MYCBP2: variants seen among roughly 807,000 people sequenced by gnomAD.
The protein encoded by MYCBP2 is E3 ubiquitin-protein ligase MYCBP2.
Under a neutral mutation model 525.3 loss-of-function variants are expected in MYCBP2, and 120 were observed. The observed-to-expected ratio is 0.23, with a 90% confidence interval of 0.20 to 0.27. The LOEUF is 0.27. MYCBP2 is among the 10% of genes least tolerant of loss of function. The probability of loss-of-function intolerance (pLI) is 1.00; values close to 1 mark genes in which losing one functional copy is unlikely to be tolerated. For synonymous variants in MYCBP2, 1,894 were observed against 1,955.8 expected, an observed-to-expected ratio of 0.97 and a Z score of 0.83; for missense variants, 4,149 against 5,657.1, an observed-to-expected ratio of 0.73 and a Z score of 8.55.
intron 15 of MYCBP2, among the ~76,000 whole-genome samples, chr13:77,248,608 A>G (rs1385429557): frequency 6.6e-6 from 1 of 152,212 alleles, no homozygotes; most frequent in Non-Finnish European, 1.5e-5. Flanking sequence ...CCAAAATAAC[A>G]GATCATAAGT....
intron 58 of MYCBP2, among the ~76,000 whole-genome samples, chr13:77,095,039 C>T (rs1402687994): frequency 1.1e-4 from 17 of 152,132 alleles, no homozygotes; most frequent in Non-Finnish European, 1.5e-5. Flanking sequence ...AACACACTTT[C>T]TTTACACTTC....
At chr13:77,139,540 A>G (rs1255875952) in intron 51 of MYCBP2, among the ~76,000 whole-genome samples, 1 of 152,236 alleles carries the variant, frequency 6.6e-6, no homozygotes, top group Non-Finnish European at 1.5e-5. Flanking sequence ...TCATGTGGCA[A>G]GACTGTAAAA....
chr13:77,310,395 TTCCTG>T (rs1174786901), intron 1 of MYCBP2, among the ~76,000 whole-genome samples: 1 of 152,156 alleles, frequency 6.6e-6, no homozygotes, highest in Non-Finnish European at 1.5e-5. Flanking sequence ...CAAAAACAGC[TTCCTG>T]TCTATCTTTG....
At chr13:77,263,538 A>T in intron 10 of MYCBP2, 113 bp downstream of exon 10, 1 of 812,956 alleles carries the variant, frequency 1.2e-6, no homozygotes. Flanking sequence ...AGTAACAGAC[A>T]CAAAATAGCT....
At chr13:77,315,432 T>A (rs1356227611) in intron 1 of MYCBP2, among the ~76,000 whole-genome samples, 1 of 152,164 alleles carries the variant, frequency 6.6e-6, no homozygotes, top group Non-Finnish European at 1.5e-5. Flanking sequence ...CAAATCAAAT[T>A]CAGCAATACA....
At chr13:77,283,023 T>C (rs1480607828) in intron 3 of MYCBP2, among the ~76,000 whole-genome samples, 1 of 152,136 alleles carries the variant, frequency 6.6e-6, no homozygotes, top group East Asian at 1.9e-4. Context: ...CACCACCCTG[T>C]AGTTATGGAT....
chr13:77,257,797 T>G lies in MYCBP2; in HGVS notation c.2050A>C (p.Thr684Pro). 1 of 1,610,156 alleles carries G rather than the reference T, an allele frequency of 6.2e-7. No individual in the cohort carries two copies. Among genetic ancestry groups the G allele is most frequent in the Non-Finnish European group, 8.5e-7 (1 of 1,178,980 alleles). The change falls in exon 14 of 83, where the codon ACT (threonine) becomes CCT (proline). Residue 684 changes from threonine to proline, a missense_variant. This residue lies in a region of MYCBP2 where 262 missense variants were observed against 419.3 expected (regional missense o/e 0.62). Transcript: ENST00000544440. ...LVTDLKGHFV[T>P]QVAMGKAHTC... is the part of the protein sequence containing the mutation. Reference sequence around the variant, plus strand: ...TGAGCTTTGCCCATAGCTACCTGAGTTACAAAATGGCCCTTCAAATCAGTT... The same window carrying G: ...TGAGCTTTGCCCATAGCTACCTGAGGTACAAAATGGCCCTTCAAATCAGTT...
At chr13:77,126,632 T>C in intron 52 of MYCBP2, 90 bp from the exon 53 acceptor site, 1 of 889,260 alleles carries the variant, frequency 1.1e-6, no homozygotes, top group South Asian at 1.7e-5. Context: ...ATAGCAAGTC[T>C]ACAGTACTGT....
chr13:77,051,649 A>T (rs1394222756), intron 81 of MYCBP2, among the ~76,000 whole-genome samples, 162 bp downstream of exon 81: 1 of 152,246 alleles, frequency 6.6e-6, no homozygotes, highest in African/African-American at 2.4e-5. Flanking sequence ...GCCCAAAGGA[A>T]ATAATATATA....
At position 77,079,042 on chromosome 13, in the gene MYCBP2, G is replaced by A. The variant is rs199569666; in HGVS notation, c.11419-153C>T. On this transcript the variant is annotated intron_variant, in intron 65 of 82. Coordinates refer to ENST00000544440, the MANE Select transcript of MYCBP2 (RefSeq NM_015057.5). The stretch of plus-strand genomic sequence containing the variant: ...CCACCCCATCCCTCCAACTAACCAC[G>A]GTTCCTATAACTTTAGTCTCATTCT... 3.0e-4 allele frequency among the ~76,000 whole-genome samples: 45 copies of A among 151,994 alleles called. No individual in the cohort carries two copies. The East Asian group carries it at 5.2e-3, about 18-fold the overall frequency.
chr13:77,159,926 A>C (rs2057686508), intron 44 of MYCBP2, among the ~76,000 whole-genome samples: 1 of 152,096 alleles, frequency 6.6e-6, no homozygotes. Flanking sequence ...TTTATTTTGA[A>C]TCTTAAGGTA....
At chr13:77,312,726 C>T (rs1474166065) in intron 1 of MYCBP2, among the ~76,000 whole-genome samples, 8 of 151,800 alleles carry the variant, frequency 5.3e-5, no homozygotes, top group African/African-American at 1.5e-4. Context: ...AAGTGGCAGA[C>T]CTATCACTGT....
chr13:77,183,137 A>G (rs894868421), intron 32 of MYCBP2, among the ~76,000 whole-genome samples: 7 of 152,138 alleles, frequency 4.6e-5, no homozygotes, highest in Non-Finnish European at 1.0e-4. Flanking sequence ...TACATGTTCA[A>G]TTTGGTTTGA....
chr13:77,326,540 C>T lies in MYCBP2; in HGVS notation c.236G>A (p.Arg79Lys), dbSNP rs779283252. The change falls in exon 1 of 83, where the codon AGG becomes AAG. Residue 79 changes from arginine to lysine, a missense_variant. Arg to Lys is a conservative substitution (Grantham distance 26, BLOSUM62 2). Coordinates refer to ENST00000544440, the MANE Select transcript of MYCBP2 (RefSeq NM_015057.5). This position sits in a 1 kb window ranked among gnomAD's most constrained non-coding sequence, Gnocchi z 4.2. The part of the protein sequence containing the change: ...SGRALADRYR[R>K]IYTAALNDRD... ...GTCATTGAGCGCAGCGGTATAAATC[C>T]TCCGGTAGCGGTCGGCCAGGGCCCG... 1.1e-5 allele frequency: 18 copies of T among 1,598,106 alleles called. No individual in the cohort carries two copies. Among genetic ancestry groups the T allele is most frequent in the African/African-American group, 1.4e-5 (1 of 73,014 alleles).
chr13:77,163,656 G>A (rs527436905), intron 43 of MYCBP2, among the ~76,000 whole-genome samples: 1 of 152,150 alleles, frequency 6.6e-6, no homozygotes, highest in African/African-American at 2.4e-5. Flanking sequence ...TCTCTGTTCT[G>A]CTTCAATGAA....
rs1240836882 is a variant in MYCBP2, at chr13:77,168,450, G to T, written c.6092C>A (p.Pro2031His). 2 of 1,614,014 alleles carry T rather than the reference G, an allele frequency of 1.2e-6. No homozygotes were observed. The highest frequency in any genetic ancestry group is 2.2e-5 in the South Asian group (2 of 91,072). Residue 2031 changes from proline (P) to histidine (H), a missense_variant, in exon 40 of 83, where the codon CCT (proline) becomes CAT (histidine). By Grantham distance (77) the Pro-to-His change is moderately conservative. Around this residue, in one of 21 missense-constraint regions of MYCBP2, gnomAD observed 692 missense variants for 852.7 expected, o/e 0.81. Transcript: ENST00000544440. ...TACCTTGTAATGCATCACACAGGCAGGTTTATACGGGTGCTCACTCTCTAT... is the reference window on the plus strand; with the variant it reads ...TACCTTGTAATGCATCACACAGGCATGTTTATACGGGTGCTCACTCTCTAT... ...AVIESEHPYK[P>H]ACVMHYKVTF...
intron 61 of MYCBP2, 143 bp downstream of exon 61, chr13:77,088,689 T>C (rs2044809118): frequency 3.3e-6 from 2 of 601,404 alleles, no homozygotes; most frequent in African/African-American, 1.9e-5. Flanking sequence ...GTCTGATTTT[T>C]ATAGGAACAC....
chr13:77,059,640 GA>G lies in MYCBP2; in HGVS notation c.13037-15del, dbSNP rs1382240824. 6.3e-7 allele frequency: 1 copy of G among 1,596,710 alleles called. No homozygotes were observed. Among genetic ancestry groups the G allele is most frequent in the African/African-American group, 1.3e-5 (1 of 74,500 alleles). On this transcript the variant is annotated splice_polypyrimidine_tract_variant and intron_variant, in intron 76 of 82. Transcript: ENST00000544440. ...TGGTGGGTTTGCCTAGGTTCAAGCA[GA>G]AAAATAAAAATCCTTCTTATGGATG...
chr13:77,271,258 T>A (rs1282929370), intron 5 of MYCBP2, among the ~76,000 whole-genome samples: 1 of 152,208 alleles, frequency 6.6e-6, no homozygotes, highest in African/African-American at 2.4e-5. Flanking sequence ...GCTTTTTTTA[T>A]TAATTTGTTT....
Sources: gnomAD v4.1 joint callset for allele counts (sites outside exome capture counted in the v4.1 genomes callset) on GRCh38, gnomAD v4.1.1 for gene constraint, gnomAD v4.1.1 regional missense constraint, Gnocchi (gnomAD v3.1) non-coding constraint, MANE v1.5 for transcripts, NCBI Gene and HGNC (gene_info 2026-07-23, HGNC 2026-07-21) for gene names.